The following SMC6 variants were observed in gnomAD, a reference collection of about 807,000 sequenced individuals.
The protein encoded by SMC6 is structural maintenance of chromosomes protein 6.
In SMC6, 79 loss-of-function variants were observed where a neutral mutation model predicts 142.2. The observed-to-expected ratio is 0.56, with a 90% CI of 0.46 to 0.67. SMC6 has a LOEUF of 0.67. SMC6 is among the 30% of genes least tolerant of loss of function. The pLI is 0.00. For synonymous variants in SMC6, 411 were observed against 412.4 expected, an observed-to-expected ratio of 1.00 and a Z score of 0.04; for missense variants, 1,072 against 1,284.0, an observed-to-expected ratio of 0.83 and a Z score of 2.52.
At chr2:17,720,065 T>C (rs1275249885) in intron 11 of SMC6, among the ~76,000 whole-genome samples, 1 of 151,894 alleles carries the variant, frequency 6.6e-6, no homozygotes, top group East Asian at 1.9e-4. Flanking sequence ...AAACTAGGAG[T>C]TCTACTTCTG....
At chr2:17,692,012 C>T (rs1259718612) in intron 23 of SMC6, among the ~76,000 whole-genome samples, 1 of 152,088 alleles carries the variant, frequency 6.6e-6, no homozygotes, top group African/African-American at 2.4e-5. Context: ...CGTGAAGGAC[C>T]TCTTCAAGGA....
At chr2:17,717,724 G>T (rs1669166814) in intron 12 of SMC6, among the ~76,000 whole-genome samples, 1 of 151,896 alleles carries the variant, frequency 6.6e-6, no homozygotes. Context: ...GTTCACACAT[G>T]TAATCCCAGC....
intron 5 of SMC6, among the ~76,000 whole-genome samples, chr2:17,737,468 C>A (rs1446604903): frequency 1.3e-5 from 2 of 152,146 alleles, no homozygotes; most frequent in Admixed American, 6.5e-5. Context: ...AACAAAGATC[C>A]CTTCAGAGGT....
In SMC6 at chr2:17,665,379, T is replaced by C. The variant is rs549177913; in HGVS notation, c.*120A>G. 86 of 475,030 alleles carry C rather than the reference T, an allele frequency of 1.8e-4. No homozygotes were observed. The highest frequency in any genetic ancestry group is 2.8e-4 in the Non-Finnish European group (78 of 278,504). The allele number at this position is 475,030 out of a possible 1,614,324, so 29.4% of individuals were successfully genotyped here. On this transcript the variant is annotated 3_prime_UTR_variant, in exon 28 of 28. Coordinates refer to ENST00000448223, the MANE Select transcript of SMC6 (RefSeq NM_001142286.2). Reference sequence around the variant, plus strand: ...ATATGTTTGATTGTGGTTGGATATATAAAGGAGTTTCTTTCATTTCAGAAT... The same window carrying C: ...ATATGTTTGATTGTGGTTGGATATACAAAGGAGTTTCTTTCATTTCAGAAT...
At chr2:17,693,773 A>G (rs1413429555) in intron 23 of SMC6, among the ~76,000 whole-genome samples, 4 of 152,088 alleles carry the variant, frequency 2.6e-5, no homozygotes, top group African/African-American at 9.7e-5. Flanking sequence ...AGGCAGACAG[A>G]TCATCTGAGA....
chr2:17,705,085 T>C (rs941079698), intron 18 of SMC6, among the ~76,000 whole-genome samples: 1 of 151,540 alleles, frequency 6.6e-6, no homozygotes, highest in Admixed American at 6.6e-5. Context: ...GGTGAAACCT[T>C]GTCTCTACCA....
At chr2:17,696,487 G>C (rs1667994103) in intron 21 of SMC6, 61 bp from the exon 22 acceptor site, 1 of 1,531,966 alleles carries the variant, frequency 6.5e-7, no homozygotes, top group African/African-American at 1.4e-5. Context: ...TAGGTATAAA[G>C]ATAATAAACA....
chr2:17,675,646 C>T (rs1034735389), intron 25 of SMC6, among the ~76,000 whole-genome samples: 1 of 152,044 alleles, frequency 6.6e-6, no homozygotes, highest in African/African-American at 2.4e-5. Flanking sequence ...GTTTTTAAAA[C>T]CAATTCTGCT....
rs1428398377 is a variant in SMC6 at position 17,716,852 on chromosome 2, C to G, written c.1235G>C (p.Trp412Ser). The change falls in exon 14 of 28, where the codon TGG (tryptophan) becomes TCG (serine). Residue 412 changes from tryptophan to serine, a missense_variant. By Grantham distance (177) the Trp-to-Ser change is radical. Transcript: ENST00000448223. Reference sequence around the variant, plus strand: ...AAAGGCCTTTACTCTCTCTTTTAACCAAGATATTTTTTTTTGTCTTTCCAA... The same window carrying G: ...AAAGGCCTTTACTCTCTCTTTTAACGAAGATATTTTTTTTTGTCTTTCCAA... ...ERLERQKKIS[W>S]LKERVKAFQN... The G allele has an allele frequency of 6.2e-7, 1 of 1,612,600 alleles. No homozygotes were observed. The highest frequency in any genetic ancestry group is 1.3e-5 in the African/African-American group (1 of 74,788).
chr2:17,685,599 A>G (rs1667417033), intron 23 of SMC6, among the ~76,000 whole-genome samples: 1 of 152,148 alleles, frequency 6.6e-6, no homozygotes, highest in Non-Finnish European at 1.5e-5. Flanking sequence ...ACATAAAAAT[A>G]AACTCCAAAT....
At chr2:17,670,271 TTTAGTTC>T in intron 26 of SMC6, 145 bp downstream of exon 26, 1 of 761,338 alleles carries the variant, frequency 1.3e-6, no homozygotes, top group Non-Finnish European at 2.0e-6. Flanking sequence ...ACTCTAGTTC[TTTAGTTC>T]TTCCCCACTA....
chr2:17,672,862 GT>G (rs1307620442), intron 25 of SMC6, among the ~76,000 whole-genome samples: 3 of 152,116 alleles, frequency 2.0e-5, no homozygotes, highest in African/African-American at 7.2e-5. Flanking sequence ...GGGTTTCTCA[GT>G]TTTGGGCTAT....
At chr2:17,687,679 C>T (rs1445544965) in intron 23 of SMC6, among the ~76,000 whole-genome samples, 1 of 152,106 alleles carries the variant, frequency 6.6e-6, no homozygotes, top group Non-Finnish European at 1.5e-5. Context: ...AGAGGGAGAA[C>T]ATTTCCCTGA....
intron 16 of SMC6, among the ~76,000 whole-genome samples, chr2:17,710,332 A>G (rs558393065): frequency 2.0e-5 from 3 of 152,332 alleles, no homozygotes; most frequent in Non-Finnish European, 1.5e-5. Flanking sequence ...TGGGGTGGAA[A>G]TCGGGAGTAT....
intron 27 of SMC6, among the ~76,000 whole-genome samples, chr2:17,665,889 T>C (rs1037129796): frequency 2.0e-5 from 3 of 152,236 alleles, no homozygotes; most frequent in Admixed American, 6.5e-5. Context: ...ATTTCTGTTA[T>C]TGTCTAGCAA....
intron 5 of SMC6, among the ~76,000 whole-genome samples, chr2:17,737,108 C>T (rs919556697): frequency 1.3e-5 from 2 of 151,948 alleles, no homozygotes; most frequent in South Asian, 2.1e-4. Flanking sequence ...TAGTTTTTTC[C>T]CAAGGCCATA....
rs751493871 is a variant in SMC6 at position 17,721,204 on chromosome 2, C to G, written c.784G>C (p.Ala262Pro). ...TTAGTCTTCATTGTACTTAAACCAG[C>G]AATACTTTGAAAACGTTCCTCTTTC... ...VEKEERFQSIAGLSTMKTNLE... is the reference protein window; with the variant it reads ...VEKEERFQSIPGLSTMKTNLE... The change falls in exon 10 of 28, where the codon GCT (alanine) becomes CCT (proline). Residue 262 changes from alanine to proline, a missense_variant. Transcript: ENST00000448223. 1.2e-6 allele frequency: 2 copies of G among 1,611,682 alleles called. No individual in the cohort carries two copies. The highest frequency in any genetic ancestry group is 8.5e-7 in the Non-Finnish European group (1 of 1,179,342).
chr2:17,693,282 C>T (rs1461282357), intron 23 of SMC6, among the ~76,000 whole-genome samples: 3 of 151,958 alleles, frequency 2.0e-5, no homozygotes, highest in Non-Finnish European at 4.4e-5. Context: ...TTCACAATAG[C>T]AAAGACCTGG....
chr2:17,683,463 C>A (rs1458080310), intron 24 of SMC6, among the ~76,000 whole-genome samples, 175 bp downstream of exon 24: 1 of 152,092 alleles, frequency 6.6e-6, no homozygotes, highest in Non-Finnish European at 1.5e-5. Context: ...GTTGGATAAG[C>A]TCACCATAAA....
Sources: gnomAD v4.1 joint callset for allele counts (sites outside exome capture counted in the v4.1 genomes callset) on GRCh38, gnomAD v4.1.1 for gene constraint, MANE v1.5 for transcripts, NCBI Gene and HGNC (gene_info 2026-07-23, HGNC 2026-07-21) for gene names.